Variants in FBXO8 observed in about 807,000 individuals in gnomAD.
FBXO8 encodes F-box protein 8, also known as F-box only protein 8.
Under a neutral mutation model 33.4 loss-of-function variants are expected in FBXO8, and 15 were observed. That is an observed-to-expected ratio of 0.45 (90% CI 0.30 to 0.69). The LOEUF (loss-of-function observed/expected upper bound fraction) is 0.69, where lower values mean the gene tolerates loss of function less well. FBXO8 is among the 30% of genes least tolerant of loss of function. The probability of loss-of-function intolerance (pLI) is 0.08; values close to 1 mark genes in which losing one functional copy is unlikely to be tolerated. For synonymous variants in FBXO8, 132 were observed against 131.5 expected, an observed-to-expected ratio of 1.00 and a Z score of -0.02; for missense variants, 274 against 380.3, an observed-to-expected ratio of 0.72 and a Z score of 2.32.
intron 5 of FBXO8, among the ~76,000 whole-genome samples, chr4:174,238,052 T>C (rs1431292415): frequency 2.6e-5 from 4 of 152,144 alleles, no homozygotes; most frequent in East Asian, 1.9e-4. Context: ...TAAAAACCTA[T>C]TTTAATTTGA....
rs1736917179 is a variant in FBXO8, at chr4:174,274,630, TGA to T, written c.-9+8778_-9+8779del. Among the ~76,000 whole-genome samples, 1 of 152,220 alleles carries T rather than the reference TGA, an allele frequency of 6.6e-6. No homozygotes were observed. The highest frequency in any genetic ancestry group is 1.9e-4 in the East Asian group (1 of 5,198). ...GACTGTAAGTACTAAAATAAGGAAC[TGA>T]CTCCACACAATAGGTTACATGAATA... On this transcript the variant is annotated intron_variant, in intron 1 of 5. Coordinates refer to ENST00000393674, the MANE Select transcript of FBXO8 (RefSeq NM_012180.3). This position sits in a 1 kb window ranked among gnomAD's most constrained non-coding sequence, Gnocchi z 4.0.
chr4:174,271,159 A>G (rs1736830546), intron 1 of FBXO8, among the ~76,000 whole-genome samples: 1 of 152,214 alleles, frequency 6.6e-6, no homozygotes, highest in African/African-American at 2.4e-5. Flanking sequence ...AAAACAGGAC[A>G]TTCATGAACA....
rs2126409212 is a variant in FBXO8, at chr4:174,236,993, G to C, written c.*419C>G. On this transcript the variant is annotated 3_prime_UTR_variant, in exon 6 of 6. Transcript: ENST00000393674. ...GTTTGAGAGAAAAGGAAAAACTTTAGTTAAAATCTTTACAATAAAATAATT... is the reference window on the plus strand; with the variant it reads ...GTTTGAGAGAAAAGGAAAAACTTTACTTAAAATCTTTACAATAAAATAATT... The C allele has an allele frequency of 6.5e-6, 1 of 152,816 alleles. No homozygotes were observed. Among genetic ancestry groups the C allele is most frequent in the Non-Finnish European group, 1.5e-5 (1 of 68,310 alleles). 9.5% of individuals were successfully genotyped at this position (152,816 alleles called of 1,614,324 possible). A position where few individuals can be genotyped will look rare whatever the true frequency, so the allele number is the denominator to read the frequency against.
rs1736415418 is a variant in FBXO8 at position 174,256,388 on chromosome 4, G to T, written c.456+3311C>A. Among the ~76,000 whole-genome samples, 1 of 152,040 alleles carries T rather than the reference G, an allele frequency of 6.6e-6. No homozygotes were observed. Among genetic ancestry groups the T allele is most frequent in the Non-Finnish European group, 1.5e-5 (1 of 67,992 alleles). On this transcript the variant is annotated intron_variant, in intron 3 of 5. Transcript: ENST00000393674. This position sits in a 1 kb window ranked among gnomAD's most constrained non-coding sequence, Gnocchi z 4.6. Reference sequence around the variant, plus strand: ...CAGTGCTCCAGTGAGTGGGGAAAAAGAAAACAAAATACAGTCTCCAAAAAG... The same window carrying T: ...CAGTGCTCCAGTGAGTGGGGAAAAATAAAACAAAATACAGTCTCCAAAAAG...
rs1337048135 is a variant in FBXO8, at chr4:174,261,802, T to A, written c.329+962A>T. Among the ~76,000 whole-genome samples, 2 of 152,058 alleles carry A rather than the reference T, an allele frequency of 1.3e-5. No homozygotes were observed. Among genetic ancestry groups the A allele is most frequent in the Non-Finnish European group, 2.9e-5 (2 of 67,918 alleles). On this transcript the variant is annotated intron_variant, in intron 2 of 5. Transcript: ENST00000393674. The surrounding 1 kb of genome is among the most constrained non-coding windows in gnomAD (Gnocchi z 4.1). ...CTGAAAATATATTTTGACTAAAGTTTGTAATTTATTAAGTCTCTCAATTAG... is the reference window on the plus strand; with the variant it reads ...CTGAAAATATATTTTGACTAAAGTTAGTAATTTATTAAGTCTCTCAATTAG...
chr4:174,283,621 A>G lies in FBXO8; in HGVS notation c.-220T>C, dbSNP rs1462915572. On this transcript the variant is annotated 5_prime_UTR_variant, in exon 1 of 6. Transcript: ENST00000393674. This position sits in a 1 kb window ranked among gnomAD's most constrained non-coding sequence, Gnocchi z 6.7. ...CAGAACTCAGGGTACCTCCAGCTGCAGGGGCCAGAACTGCCGACTATCCCA... is the reference window on the plus strand; with the variant it reads ...CAGAACTCAGGGTACCTCCAGCTGCGGGGGCCAGAACTGCCGACTATCCCA... The G allele has an allele frequency of 1.4e-5, 5 of 346,174 alleles. No individual in the cohort carries two copies. Among genetic ancestry groups the G allele is most frequent in the Non-Finnish European group, 2.6e-5 (5 of 193,718 alleles). 21.4% of individuals were successfully genotyped at this position (346,174 alleles called of 1,614,324 possible).
rs548170811 is a variant in FBXO8 at position 174,272,926 on chromosome 4, A to C, written c.-8-9826T>G. 6.6e-6 allele frequency among the ~76,000 whole-genome samples: 1 copy of C among 152,326 alleles called. No homozygotes were observed. The highest frequency in any genetic ancestry group is 2.1e-4 in the South Asian group (1 of 4,830). ...TCATTATATAGTATTCCAGCCAAAAATCCATAATCTGAATTTAATAGGGAA... is the reference window on the plus strand; with the variant it reads ...TCATTATATAGTATTCCAGCCAAAACTCCATAATCTGAATTTAATAGGGAA... On this transcript the variant is annotated intron_variant, in intron 1 of 5. Transcript: ENST00000393674. This position sits in a 1 kb window ranked among gnomAD's most constrained non-coding sequence, Gnocchi z 4.7.
Position 174,259,810 on chromosome 4 carries a change from A to T in FBXO8, c.345T>A (p.Thr115=). The part of the protein sequence containing the change: ...ELLWQGLCKS[T]WGHCSIYNKN... ...TATTGTATATGGAACAGTGACCCCA[A>T]GTGGATTTGCACAACCTATAAAATC... is the stretch of plus-strand genomic sequence containing the variant. The change falls in exon 3 of 6, where the codon ACT becomes ACA. Residue 115 remains threonine, a synonymous_variant. Coordinates refer to ENST00000393674, the MANE Select transcript of FBXO8 (RefSeq NM_012180.3). The surrounding 1 kb of genome is among the most constrained non-coding windows in gnomAD (Gnocchi z 4.3). 6.3e-7 allele frequency: 1 copy of T among 1,593,312 alleles called. No homozygotes were observed. Among genetic ancestry groups the T allele is most frequent in the Non-Finnish European group, 8.5e-7 (1 of 1,174,580 alleles).
In FBXO8 at chr4:174,241,226, A is replaced by G. The variant is rs779727737; in HGVS notation, c.457-8T>C. ...CATAAAGTAGTTCACTCCCTAAGGC[A>G]GAAAGACAAGTCTACATAAATAAAA... On this transcript the variant is annotated splice_polypyrimidine_tract_variant and splice_region_variant and intron_variant, in intron 3 of 5. Coordinates refer to ENST00000393674, the MANE Select transcript of FBXO8 (RefSeq NM_012180.3). This position sits in a 1 kb window ranked among gnomAD's most constrained non-coding sequence, Gnocchi z 4.2. The G allele has an allele frequency of 2.7e-6, 4 of 1,506,302 alleles. No individual in the cohort carries two copies. Among genetic ancestry groups the G allele is most frequent in the East Asian group, 2.3e-5 (1 of 43,854 alleles). The allele number at this position is 1,506,302 out of a possible 1,614,324, so 93.3% of individuals were successfully genotyped here.
chr4:174,276,860 A>G (rs533414396), intron 1 of FBXO8, among the ~76,000 whole-genome samples: 8 of 152,320 alleles, frequency 5.3e-5, no homozygotes, highest in African/African-American at 1.9e-4. Context: ...TAGGTATTTC[A>G]AACAAGGTTC....
At position 174,237,754 on chromosome 4, in the gene FBXO8, C is replaced by T. The variant is rs538299048; in HGVS notation, c.773-155G>A. Among the ~76,000 whole-genome samples, 2 of 152,148 alleles carry T rather than the reference C, an allele frequency of 1.3e-5. No homozygotes were observed. Among genetic ancestry groups the T allele is most frequent in the East Asian group, 3.9e-4 (2 of 5,186 alleles). ...TCCATCCCAGTTTGTCTAGACTCTT[C>T]CCAGTTTTGCACTGAAAGTCCTGTC... On this transcript the variant is annotated intron_variant, in intron 5 of 5. Coordinates refer to ENST00000393674, the MANE Select transcript of FBXO8 (RefSeq NM_012180.3). This position sits in a 1 kb window ranked among gnomAD's most constrained non-coding sequence, Gnocchi z 4.4.
chr4:174,271,263 C>T (rs897547640), intron 1 of FBXO8, among the ~76,000 whole-genome samples: 5 of 152,138 alleles, frequency 3.3e-5, no homozygotes, highest in Non-Finnish European at 7.3e-5. Flanking sequence ...AGTCTGCAAT[C>T]GTATGGAGAG....
In FBXO8 at chr4:174,242,513, T is replaced by C. The variant is rs563782934; in HGVS notation, c.457-1295A>G. On this transcript the variant is annotated intron_variant, in intron 3 of 5. Coordinates refer to ENST00000393674, the MANE Select transcript of FBXO8 (RefSeq NM_012180.3). ...TACTAGCAATTCGATCAAATTTTCATGTGAATTTTAATAATACAAAAGCAA... is the reference window on the plus strand; with the variant it reads ...TACTAGCAATTCGATCAAATTTTCACGTGAATTTTAATAATACAAAAGCAA... Among the ~76,000 whole-genome samples, 6 of 151,668 alleles carry C rather than the reference T, an allele frequency of 4.0e-5. No homozygotes were observed. In the South Asian group the frequency reaches 1.2e-3, roughly 31 times the overall value.
intron 4 of FBXO8, among the ~76,000 whole-genome samples, chr4:174,239,987 C>A (rs138330659): frequency 6.6e-6 from 1 of 151,768 alleles, no homozygotes; most frequent in African/African-American, 2.4e-5. Flanking sequence ...TGGGCCAGAT[C>A]TGGCCTGCTG....
chr4:174,259,662 A>G lies in FBXO8; in HGVS notation c.456+37T>C. 2 of 1,594,472 alleles carry G rather than the reference A, an allele frequency of 1.3e-6. No homozygotes were observed. Among genetic ancestry groups the G allele is most frequent in the Non-Finnish European group, 8.5e-7 (1 of 1,173,948 alleles). The stretch of plus-strand genomic sequence containing the variant: ...GAAAGCTGCAGCAAGATAGTAATAA[A>G]GGTCACTGGATACAAATATTCAAGT... On this transcript the variant is annotated intron_variant, in intron 3 of 5. Transcript: ENST00000393674. The surrounding 1 kb of genome is among the most constrained non-coding windows in gnomAD (Gnocchi z 4.3).
Position 174,263,910 on chromosome 4 carries a change from A to G in FBXO8, c.-8-810T>C, listed in dbSNP as rs534613138. Among the ~76,000 whole-genome samples, 1 of 152,192 alleles carries G rather than the reference A, an allele frequency of 6.6e-6. No individual in the cohort carries two copies. The highest frequency in any genetic ancestry group is 1.9e-4 in the East Asian group (1 of 5,170). On this transcript the variant is annotated intron_variant, in intron 1 of 5. Transcript: ENST00000393674. The surrounding 1 kb of genome is among the most constrained non-coding windows in gnomAD (Gnocchi z 4.2). ...CTACATTTGTCTGTCACATATATTG[A>G]CTTCCTCATGTACAAATGTATTAGA... is the stretch of plus-strand genomic sequence containing the variant.
At position 174,256,633 on chromosome 4, in the gene FBXO8, C is replaced by T. The variant is rs556855828; in HGVS notation, c.456+3066G>A. ...GAAAGTACAGAATATAGTCACTGAA[C>T]TACTTCCCCTCATTTCTCTGACCTT... On this transcript the variant is annotated intron_variant, in intron 3 of 5. Coordinates refer to ENST00000393674, the MANE Select transcript of FBXO8 (RefSeq NM_012180.3). The surrounding 1 kb of genome is among the most constrained non-coding windows in gnomAD (Gnocchi z 4.6). Among the ~76,000 whole-genome samples the T allele has an allele frequency of 6.6e-6, 1 of 152,284 alleles. No homozygotes were observed. Among genetic ancestry groups the T allele is most frequent in the Admixed American group, 6.5e-5 (1 of 15,296 alleles).
chr4:174,260,334 A>C (rs1736523750), intron 2 of FBXO8, among the ~76,000 whole-genome samples: 1 of 152,058 alleles, frequency 6.6e-6, no homozygotes, highest in African/African-American at 2.4e-5. Flanking sequence ...AAGAATCTAA[A>C]TAGGGTTTAT....
At position 174,248,538 on chromosome 4, in the gene FBXO8, C is replaced by T. The variant is rs530336211; in HGVS notation, c.457-7320G>A. ...TAGCAGATTTCAGTCTCCTTTCTTC[C>T]AGAGCAAGAACAGAGAGCACACACT... On this transcript the variant is annotated intron_variant, in intron 3 of 5. Coordinates refer to ENST00000393674, the MANE Select transcript of FBXO8 (RefSeq NM_012180.3). Among the ~76,000 whole-genome samples the T allele has an allele frequency of 2.6e-5, 4 of 152,038 alleles. No homozygotes were observed. The South Asian group carries it at 8.3e-4, about 32-fold the overall frequency.
Sources: allele counts gnomAD v4.1 joint callset (sites outside exome capture counted in the v4.1 genomes callset), GRCh38; gene constraint gnomAD v4.1.1; non-coding constraint Gnocchi (gnomAD v3.1); transcripts MANE v1.5; gene names NCBI Gene and HGNC (gene_info 2026-07-23, HGNC 2026-07-21).